Variants in TATDN2 observed in about 807,000 individuals in gnomAD.
The protein encoded by TATDN2 is 3'-5' RNA nuclease TATDN2.
Under a neutral mutation model 60.3 loss-of-function variants are expected in TATDN2, and 44 were observed. The observed-to-expected ratio is 0.73, with a 90% confidence interval of 0.57 to 0.94. The LOEUF is 0.94. TATDN2 is among the 40% of genes least tolerant of loss of function. The pLI is 0.00. For synonymous variants in TATDN2, 399 were observed against 355.8 expected (o/e 1.12, Z -1.37); for missense variants, 997 against 948.0 (o/e 1.05, Z -0.68).
At chr3:10,275,949 G>A (rs1576017210) in intron 4 of TATDN2, among the ~76,000 whole-genome samples, 1 of 152,142 alleles carries the variant, frequency 6.6e-6, no homozygotes, top group East Asian at 1.9e-4. Context: ...AGCGGAGGTG[G>A]GGACAGTGAG....
intron 2 of TATDN2, among the ~76,000 whole-genome samples, chr3:10,258,135 C>T (rs548243372): frequency 1.1e-4 from 16 of 151,712 alleles, no homozygotes; most frequent in Admixed American, 2.6e-4. Context: ...TTAGCCACCG[C>T]GCCCAGCTAG....
intron 5 of TATDN2, among the ~76,000 whole-genome samples, chr3:10,277,208 C>T (rs1256411737): frequency 6.6e-6 from 1 of 152,164 alleles, no homozygotes; most frequent in African/African-American, 2.4e-5. Flanking sequence ...CCTTTCTCCC[C>T]AGTTATGAAA....
chr3:10,268,391 G>A (rs942751650), intron 3 of TATDN2, among the ~76,000 whole-genome samples: 62 of 152,186 alleles, frequency 4.1e-4, no homozygotes, highest in African/African-American at 1.5e-3. Context: ...CATTGTGAAT[G>A]TTTGTTTTAT....
intron 2 of TATDN2, among the ~76,000 whole-genome samples, chr3:10,251,394 C>A (rs138688899): frequency 7.4e-4 from 113 of 152,212 alleles, no homozygotes; most frequent in Non-Finnish European, 1.4e-3. Flanking sequence ...GAATTGTATT[C>A]TCTTTTTTTG....
chr3:10,261,817 ACTT>A (rs1218776966), intron 3 of TATDN2, among the ~76,000 whole-genome samples: 5 of 152,208 alleles, frequency 3.3e-5, no homozygotes, highest in African/African-American at 4.8e-5. Flanking sequence ...ATGTCTGAGG[ACTT>A]CTTGCTTGGG....
rs755375723 is a variant in TATDN2 at position 10,249,510 on chromosome 3, C to G, written c.310C>G (p.Arg104Gly). Residue 104 changes from arginine (R) to glycine (G), a missense_variant, in exon 2 of 8, where the codon CGG becomes GGG. By Grantham distance (125) the Arg-to-Gly change is moderately radical. Transcript: ENST00000448281. ...GGCCGCCTCCAAAGGCTGCCTGATT[C>G]GGAACACTCGGGGGTTCCTGTCTTC... ...GGAASKGCLIRNTRGFLSSGG... is the reference protein window; with the variant it reads ...GGAASKGCLIGNTRGFLSSGG... 10 of 1,609,258 alleles carry G rather than the reference C, an allele frequency of 6.2e-6. No homozygotes were observed. In the East Asian group the frequency reaches 6.7e-5, roughly 11 times the overall value.
intron 2 of TATDN2, among the ~76,000 whole-genome samples, chr3:10,249,831 G>A (rs1028231762): frequency 6.6e-6 from 1 of 152,196 alleles, no homozygotes; most frequent in Non-Finnish European, 1.5e-5. Flanking sequence ...AAACTCGGCA[G>A]CACTTTGGAA....
chr3:10,251,744 A>G (rs2544009), intron 2 of TATDN2, among the ~76,000 whole-genome samples: 116,969 of 152,040 alleles, frequency 0.77, 46,304 homozygotes, highest in East Asian at 1. Context: ...TCCCAGGCTG[A>G]AGTGCAGTGG....
In TATDN2 at chr3:10,249,444, T is replaced by G; in HGVS notation, c.244T>G (p.Ser82Ala). The part of the protein sequence containing the change: ...GSSRRRNNSS[S>A]SFSPHFLGPG... ...ATCCCGCCGCAGAAATAACTCCTCC[T>G]CCTCCTTCTCCCCACATTTCTTGGG... Residue 82 changes from serine to alanine, a missense_variant, in exon 2 of 8, where the codon TCC becomes GCC. Ser to Ala is a moderately conservative substitution (Grantham distance 99, BLOSUM62 1). Coordinates refer to ENST00000448281, the MANE Select transcript of TATDN2 (RefSeq NM_014760.4). The G allele has an allele frequency of 6.2e-7, 1 of 1,613,934 alleles. No homozygotes were observed. The highest frequency in any genetic ancestry group is 1.1e-5 in the South Asian group (1 of 91,084).
At chr3:10,273,399 AAG>A (rs1698593649) in intron 4 of TATDN2, among the ~76,000 whole-genome samples, 1 of 152,192 alleles carries the variant, frequency 6.6e-6, no homozygotes, top group Non-Finnish European at 1.5e-5. Flanking sequence ...ATTTACCTAA[AAG>A]AGCAGTTAGC....
At chr3:10,265,415 C>T (rs1698463509) in intron 3 of TATDN2, among the ~76,000 whole-genome samples, 1 of 149,722 alleles carries the variant, frequency 6.7e-6, no homozygotes, top group Non-Finnish European at 1.5e-5. Context: ...GGGCGTGGGG[C>T]TCATGCCTGT....
At chr3:10,264,547 G>C (rs1236688257) in intron 3 of TATDN2, among the ~76,000 whole-genome samples, 4 of 152,058 alleles carry the variant, frequency 2.6e-5, no homozygotes, top group African/African-American at 9.7e-5. Context: ...TTGATTATTT[G>C]ATTTCTTGTC....
chr3:10,266,449 G>A (rs931573542), intron 3 of TATDN2, among the ~76,000 whole-genome samples: 1 of 152,196 alleles, frequency 6.6e-6, no homozygotes, highest in African/African-American at 2.4e-5. Context: ...GCATGTGAGT[G>A]TTGGGATCAG....
rs969821444 is a variant in TATDN2 at position 10,248,795 on chromosome 3, C to G, written c.-279C>G. On this transcript the variant is annotated 5_prime_UTR_variant, in exon 1 of 8. In the 5' UTR this introduces an upstream ATG that the reference lacks. Transcript: ENST00000448281. ...GCGGATCCGGCAGCCATGTGTGGAT[C>G]TTGAAGCGCCATGTGGTCTTCTGAA... is the stretch of plus-strand genomic sequence containing the variant. 1 of 152,008 alleles carries G rather than the reference C, an allele frequency of 6.6e-6. No homozygotes were observed. Among genetic ancestry groups the G allele is most frequent in the African/African-American group, 2.5e-5 (1 of 39,430 alleles). The allele number at this position is 152,008 out of a possible 1,614,324, so 9.4% of individuals were successfully genotyped here.
Position 10,250,868 on chromosome 3 carries a change from C to T in TATDN2, c.414+1254C>T, listed in dbSNP as rs986802071. 3.3e-5 allele frequency among the ~76,000 whole-genome samples: 5 copies of T among 152,174 alleles called. No individual in the cohort carries two copies. The East Asian group carries it at 7.7e-4, about 23-fold the overall frequency. ...GATACAATTTCAGTAGACTTGGGTACAGCATAAAATAATACCAGTTGATTC... is the reference window on the plus strand; with the variant it reads ...GATACAATTTCAGTAGACTTGGGTATAGCATAAAATAATACCAGTTGATTC... On this transcript the variant is annotated intron_variant, in intron 2 of 7. Coordinates refer to ENST00000448281, the MANE Select transcript of TATDN2 (RefSeq NM_014760.4).
At chr3:10,252,390 GTTT>G (rs1208314989) in intron 2 of TATDN2, among the ~76,000 whole-genome samples, 1 of 152,072 alleles carries the variant, frequency 6.6e-6, no homozygotes, top group Non-Finnish European at 1.5e-5. Context: ...TCGAGTGAGG[GTTT>G]TTATATTACC....
At chr3:10,269,446 T>C (rs1698525436) in intron 3 of TATDN2, among the ~76,000 whole-genome samples, 1 of 152,232 alleles carries the variant, frequency 6.6e-6, no homozygotes. Flanking sequence ...TGGTGGCTTA[T>C]GCCTGTAATT....
rs1325934905 is a variant in TATDN2 at position 10,276,438 on chromosome 3, TCTG to T, written c.1914_1916del (p.Leu639del). 6.2e-7 allele frequency: 1 copy of T among 1,614,064 alleles called. No homozygotes were observed. Among genetic ancestry groups the T allele is most frequent in the Middle Eastern group, 1.6e-4 (1 of 6,062 alleles). Reference sequence around the variant, plus strand: ...TCCACTGCCGAGAAGCTGATGAAGATCTGCTAGAAATCATGAAAAAGTTTGTGC... The same window carrying T: ...TCCACTGCCGAGAAGCTGATGAAGATCTAGAAATCATGAAAAAGTTTGTGC... On this transcript the variant is annotated inframe_deletion, in exon 5 of 8. Coordinates refer to ENST00000448281, the MANE Select transcript of TATDN2 (RefSeq NM_014760.4).
In TATDN2 at chr3:10,248,978, T is replaced by C; in HGVS notation, c.-96T>C. The stretch of plus-strand genomic sequence containing the variant: ...CTTGGAAACCGACGGCAGCCTTTAG[T>C]CAATTTTGGATCGCTTTGACTTCTC... On this transcript the variant is annotated 5_prime_UTR_variant, in exon 1 of 8. Transcript: ENST00000448281. 1 of 456,890 alleles carries C rather than the reference T, an allele frequency of 2.2e-6. No individual in the cohort carries two copies. The highest frequency in any genetic ancestry group is 3.6e-6 in the Non-Finnish European group (1 of 276,766). The allele number at this position is 456,890 out of a possible 1,614,324, so 28.3% of individuals were successfully genotyped here. A position where few individuals can be genotyped will look rare whatever the true frequency, so the allele number is the denominator to read the frequency against.
Sources: allele counts gnomAD v4.1 joint callset (sites outside exome capture counted in the v4.1 genomes callset), GRCh38; gene constraint gnomAD v4.1.1; transcripts MANE v1.5; gene names NCBI Gene and HGNC (gene_info 2026-07-23, HGNC 2026-07-21).